Variants in IMMP2L observed in about 807,000 individuals in gnomAD.
IMMP2L encodes inner mitochondrial membrane peptidase subunit 2.
IMMP2L carries 18 observed loss-of-function variants against 19.3 expected under a neutral mutation model. The observed-to-expected ratio is 0.93, with a 90% CI of 0.64 to 1.38. The LOEUF (loss-of-function observed/expected upper bound fraction) is 1.38. Ranked by LOEUF, IMMP2L falls within the 40% of genes most tolerant of loss-of-function variation. The pLI, the probability that IMMP2L is intolerant of heterozygous loss-of-function variation, is 0.00. For missense variants in IMMP2L, 233 were observed against 218.2 expected, an observed-to-expected ratio of 1.07 and a Z score of -0.43; for synonymous variants, 76 against 73.0, an observed-to-expected ratio of 1.04 and a Z score of -0.21.
chr7:111,145,000 T>A (rs1274845925), intron 3 of IMMP2L, among the ~76,000 whole-genome samples: 3 of 151,668 alleles, frequency 2.0e-5, no homozygotes, highest in Non-Finnish European at 2.9e-5. Context: ...CCTGGGAGAG[T>A]TGAGCTAAAT....
intron 5 of IMMP2L, among the ~76,000 whole-genome samples, chr7:110,689,929 G>A (rs559637060): frequency 3.3e-5 from 5 of 152,280 alleles, no homozygotes; most frequent in East Asian, 1.9e-4. Flanking sequence ...TGCATGTAGT[G>A]TAAATTCACA....
intron 1 of IMMP2L, among the ~76,000 whole-genome samples, chr7:111,558,939 C>CA (rs1255946152): frequency 6.6e-6 from 1 of 152,058 alleles, no homozygotes; most frequent in Non-Finnish European, 1.5e-5. Flanking sequence ...CTTGCTTCCA[C>CA]AAAAAATACA....
intron 3 of IMMP2L, among the ~76,000 whole-genome samples, chr7:111,119,094 A>C (rs1800259044): frequency 6.6e-6 from 1 of 152,166 alleles, no homozygotes; most frequent in African/African-American, 2.4e-5. Context: ...AGTTAACTTA[A>C]AGAAGGATAT....
intron 3 of IMMP2L, among the ~76,000 whole-genome samples, chr7:111,444,899 G>C (rs1041659716): frequency 6.6e-6 from 1 of 152,032 alleles, no homozygotes; most frequent in Non-Finnish European, 1.5e-5. Context: ...ATATCTATTG[G>C]AGACATTACA....
chr7:111,059,328 T>C (rs957480023), intron 3 of IMMP2L, among the ~76,000 whole-genome samples: 2 of 152,204 alleles, frequency 1.3e-5, no homozygotes, highest in Non-Finnish European at 2.9e-5. Flanking sequence ...ACCTTTGCCA[T>C]GTAAAATAGG....
At chr7:111,041,417 T>C (rs1791884936) in intron 3 of IMMP2L, among the ~76,000 whole-genome samples, 2 of 152,190 alleles carry the variant, frequency 1.3e-5, no homozygotes, top group African/African-American at 4.8e-5. Flanking sequence ...TTATTATAAA[T>C]ATCCAATTAT....
At chr7:111,370,449 T>TCC in intron 3 of IMMP2L, among the ~76,000 whole-genome samples, 1 of 151,980 alleles carries the variant, frequency 6.6e-6, no homozygotes, top group Non-Finnish European at 1.5e-5. Flanking sequence ...AGCAAAAATC[T>TCC]CTGTTTTCAG....
chr7:110,819,030 A>G (rs931156172), intron 5 of IMMP2L, among the ~76,000 whole-genome samples: 1 of 151,876 alleles, frequency 6.6e-6, no homozygotes, highest in African/African-American at 2.4e-5. Flanking sequence ...TAATATGTGC[A>G]GCACACCAAC....
At chr7:111,414,410 C>T (rs560009353) in intron 3 of IMMP2L, among the ~76,000 whole-genome samples, 2 of 151,828 alleles carry the variant, frequency 1.3e-5, no homozygotes, top group South Asian at 4.2e-4. Flanking sequence ...CTGAAAGAAG[C>T]CAGTATGAAA....
chr7:111,368,162 G>A (rs1375784234), intron 3 of IMMP2L, among the ~76,000 whole-genome samples: 1 of 151,740 alleles, frequency 6.6e-6, no homozygotes, highest in Non-Finnish European at 1.5e-5. Flanking sequence ...GAGTTTTCCA[G>A]CACAATAGAA....
intron 3 of IMMP2L, among the ~76,000 whole-genome samples, chr7:111,438,250 A>G (rs188577412): frequency 6.5e-4 from 99 of 151,760 alleles, no homozygotes; most frequent in Non-Finnish European, 4.6e-4. Flanking sequence ...TTTTAAAATA[A>G]CATGCTGACA....
intron 3 of IMMP2L, among the ~76,000 whole-genome samples, chr7:111,096,084 T>A (rs1006715548): frequency 7.9e-5 from 12 of 152,048 alleles, no homozygotes; most frequent in Non-Finnish European, 1.6e-4. Context: ...GTAAGAAGGA[T>A]ACAAAATATA....
chr7:110,779,493 G>T (rs1205520758), intron 5 of IMMP2L, among the ~76,000 whole-genome samples: 1 of 151,916 alleles, frequency 6.6e-6, no homozygotes, highest in African/African-American at 2.4e-5. Flanking sequence ...CTGGCAGGGG[G>T]AGAAAGGCAT....
chr7:111,532,883 CAGTACTGA>C (rs754359410), intron 1 of IMMP2L, among the ~76,000 whole-genome samples: 73 of 152,142 alleles, frequency 4.8e-4, no homozygotes, highest in Admixed American at 9.8e-4. Context: ...AGTGCAGAGT[CAGTACTGA>C]AGATGCAAGC....
At chr7:111,421,628 T>C (rs1231901355) in intron 3 of IMMP2L, among the ~76,000 whole-genome samples, 1 of 151,722 alleles carries the variant, frequency 6.6e-6, no homozygotes, top group East Asian at 1.9e-4. Flanking sequence ...TAGCCCTTTG[T>C]CAGACGGGTA....
chr7:111,029,523 T>A (rs937000554), intron 3 of IMMP2L, among the ~76,000 whole-genome samples: 5 of 152,170 alleles, frequency 3.3e-5, no homozygotes, highest in African/African-American at 1.2e-4. Flanking sequence ...GAATCAACTT[T>A]CAAAGATTTG....
chr7:111,494,998 G>T (rs112218694), intron 2 of IMMP2L, among the ~76,000 whole-genome samples: 3,174 of 152,098 alleles, frequency 0.021, 111 homozygotes, highest in African/African-American at 0.072. Context: ...ATGCTTTTAT[G>T]TGGGGCCTTA....
intron 3 of IMMP2L, among the ~76,000 whole-genome samples, chr7:111,169,602 A>T (rs2129608722): frequency 6.6e-6 from 1 of 151,742 alleles, no homozygotes; most frequent in Middle Eastern, 3.4e-3. Context: ...TCGTAACTCC[A>T]ATCTTCCCAT....
intron 3 of IMMP2L, among the ~76,000 whole-genome samples, chr7:111,272,651 G>A (rs1818589552): frequency 6.6e-6 from 1 of 152,152 alleles, no homozygotes; most frequent in African/African-American, 2.4e-5. Context: ...GAGAAGAGGA[G>A]CAAACAAAAG....
Sources: allele counts gnomAD v4.1 joint callset (sites outside exome capture counted in the v4.1 genomes callset), GRCh38; gene constraint gnomAD v4.1.1; transcripts MANE v1.5; gene names NCBI Gene and HGNC (gene_info 2026-07-23, HGNC 2026-07-21).